Variants in SIPA1L1 observed in about 807,000 individuals in gnomAD.
SIPA1L1 encodes signal-induced proliferation-associated 1-like protein 1.
In SIPA1L1, 26 loss-of-function variants were observed where a neutral mutation model predicts 162.7. The observed-to-expected ratio is 0.16, with a 90% CI of 0.12 to 0.22. The LOEUF (loss-of-function observed/expected upper bound fraction) is 0.22. SIPA1L1 is among the 10% of genes least tolerant of loss of function. SIPA1L1 has a pLI of 1.00. For missense variants in SIPA1L1, 1,874 were observed against 2,241.0 expected (o/e 0.84, Z 3.31); for synonymous variants, 829 against 837.4 (o/e 0.99, Z 0.17).
intron 2 of SIPA1L1, among the ~76,000 whole-genome samples, chr14:71,438,451 A>G (rs916944112): frequency 2.6e-5 from 4 of 152,170 alleles, no homozygotes; most frequent in African/African-American, 9.7e-5. Flanking sequence ...ATCTCCACCC[A>G]CATCAGCAGC....
chr14:71,685,280 G>T, intron 12 of SIPA1L1, 82 bp from the exon 13 acceptor site: 1 of 1,431,466 alleles, frequency 7.0e-7, no homozygotes. Context: ...CCATTTTTAA[G>T]TGTTAATGAG....
intron 4 of SIPA1L1, among the ~76,000 whole-genome samples, chr14:71,532,225 T>C (rs953422009): frequency 1.3e-5 from 2 of 152,206 alleles, no homozygotes; most frequent in Non-Finnish European, 2.9e-5. Context: ...TGCATTTTCT[T>C]TTTTAAAAAA....
At chr14:71,602,286 T>C (rs1160207616) in intron 5 of SIPA1L1, among the ~76,000 whole-genome samples, 2 of 152,216 alleles carry the variant, frequency 1.3e-5, no homozygotes, top group South Asian at 4.1e-4. Flanking sequence ...AAGAAATTTC[T>C]TCATTTTCTT....
At chr14:71,666,682 CT>C (rs2044033569) in intron 10 of SIPA1L1, among the ~76,000 whole-genome samples, 2 of 151,986 alleles carry the variant, frequency 1.3e-5, no homozygotes, top group African/African-American at 4.8e-5. Context: ...AATGTAATAA[CT>C]GTTGAAAGGA....
At chr14:71,465,150 C>G (rs1352527919) in intron 2 of SIPA1L1, among the ~76,000 whole-genome samples, 1 of 152,192 alleles carries the variant, frequency 6.6e-6, no homozygotes, top group Non-Finnish European at 1.5e-5. Context: ...GTCCCCATTC[C>G]AAGTTGCAGG....
intron 19 of SIPA1L1, among the ~76,000 whole-genome samples, chr14:71,727,000 G>A (rs1279620669): frequency 1.3e-5 from 2 of 152,112 alleles, no homozygotes; most frequent in Admixed American, 6.5e-5. Flanking sequence ...GATTTTCCTG[G>A]ATAGCCAGTG....
At chr14:71,446,720 A>G (rs771956468) in intron 2 of SIPA1L1, among the ~76,000 whole-genome samples, 64 of 152,068 alleles carry the variant, frequency 4.2e-4, no homozygotes, top group Non-Finnish European at 8.1e-4. Flanking sequence ...TAGGATAAGA[A>G]TTATTAGGTC....
At chr14:71,490,774 G>C (rs1293763886) in intron 2 of SIPA1L1, among the ~76,000 whole-genome samples, 3 of 152,198 alleles carry the variant, frequency 2.0e-5, no homozygotes. Context: ...CAAAAGCAAA[G>C]TAATTGCTTA....
chr14:71,345,899 T>C lies in SIPA1L1; in HGVS notation c.-465+24718T>C, dbSNP rs371661411. On this transcript the variant is annotated intron_variant, in intron 2 of 23. Coordinates refer to ENST00000381232, the MANE Select transcript of SIPA1L1 (RefSeq NM_001386936.1). ...GCTTACTCTTATATGCATCCCTGAA[T>C]AAATTTGTATAATTTATTATTATTA... 9.2e-5 allele frequency among the ~76,000 whole-genome samples: 14 copies of C among 151,654 alleles called. No individual in the cohort carries two copies. In the East Asian group the frequency reaches 9.8e-4, roughly 11 times the overall value.
At chr14:71,529,243 A>T (rs150358929) in intron 3 of SIPA1L1, 69 bp from the exon 4 acceptor site, 1 of 523,414 alleles carries the variant, frequency 1.9e-6, no homozygotes, top group Non-Finnish European at 3.4e-6. Context: ...TGTGTAAGTT[A>T]TACAGCTATT....
At chr14:71,488,818 G>A (rs907322744) in intron 2 of SIPA1L1, among the ~76,000 whole-genome samples, 3 of 152,150 alleles carry the variant, frequency 2.0e-5, no homozygotes, top group African/African-American at 4.8e-5. Flanking sequence ...TACTCTGCAC[G>A]CCACTGAAAA....
At chr14:71,674,029 C>A (rs1337632287) in intron 12 of SIPA1L1, among the ~76,000 whole-genome samples, 2 of 152,252 alleles carry the variant, frequency 1.3e-5, no homozygotes, top group African/African-American at 4.8e-5. Flanking sequence ...TCTTTCTCTG[C>A]TGTCTCTCCT....
intron 7 of SIPA1L1, among the ~76,000 whole-genome samples, chr14:71,638,408 C>T (rs950150808): frequency 5.3e-5 from 8 of 151,966 alleles, no homozygotes; most frequent in African/African-American, 1.9e-4. Flanking sequence ...TTAATGTAGC[C>T]CATCGTACTA....
chr14:71,715,541 T>A (rs779056983), intron 17 of SIPA1L1, among the ~76,000 whole-genome samples: 1 of 152,238 alleles, frequency 6.6e-6, no homozygotes, highest in African/African-American at 2.4e-5. Flanking sequence ...GTCATACACA[T>A]TAGCATAGCC....
intron 4 of SIPA1L1, among the ~76,000 whole-genome samples, chr14:71,542,398 GCTGCTGCTGCTTCTGCTT>G (rs1239858105): frequency 1.5e-3 from 210 of 138,974 alleles, no homozygotes; most frequent in African/African-American, 5.2e-3. Flanking sequence ...TCTTCCTGCT[GCTGCTGCTGCTTCTGCTT>G]CTTCTTCCTG....
intron 4 of SIPA1L1, among the ~76,000 whole-genome samples, chr14:71,549,678 C>T (rs2055606815): frequency 6.6e-6 from 1 of 152,090 alleles, no homozygotes; most frequent in Non-Finnish European, 1.5e-5. Context: ...TTTATAAATT[C>T]CAATGTACCC....
Position 71,539,363 on chromosome 14 carries a change from T to C in SIPA1L1, c.-303+9993T>C, listed in dbSNP as rs1054844724. 7.9e-5 allele frequency among the ~76,000 whole-genome samples: 12 copies of C among 152,238 alleles called. No individual in the cohort carries two copies. The East Asian group carries it at 2.3e-3, about 29-fold the overall frequency. On this transcript the variant is annotated intron_variant, in intron 4 of 23. Coordinates refer to ENST00000381232, the MANE Select transcript of SIPA1L1 (RefSeq NM_001386936.1). ...ATCTCCATTGGTGAAATGGCTGCTT[T>C]TGACAATACTGTTTCCAGAGAATAG...
At position 71,705,045 on chromosome 14, in the gene SIPA1L1, AG is replaced by A. The variant is rs2082342243; in HGVS notation, c.3647-176del. 1.4e-5 allele frequency: 9 copies of A among 620,888 alleles called. No homozygotes were observed. The South Asian group carries it at 1.8e-4, about 12-fold the overall frequency. 38.5% of individuals were successfully genotyped at this position (620,888 alleles called of 1,614,324 possible). A position where few individuals can be genotyped will look rare whatever the true frequency, so the allele number is the denominator to read the frequency against. On this transcript the variant is annotated intron_variant, in intron 15 of 23. Transcript: ENST00000381232. ...TCACCAGCTGCAAGCTTTATCCATC[AG>A]CCACTTAAGTTTCTGACCTGCTGTC...
At chr14:71,548,730 C>G (rs753017967) in intron 4 of SIPA1L1, among the ~76,000 whole-genome samples, 10 of 151,838 alleles carry the variant, frequency 6.6e-5, no homozygotes, top group Non-Finnish European at 1.5e-4. Context: ...AACCCTGTCT[C>G]TAGTAAAAAT....
Sources: allele counts gnomAD v4.1 joint callset (sites outside exome capture counted in the v4.1 genomes callset), GRCh38; gene constraint gnomAD v4.1.1; transcripts MANE v1.5; gene names NCBI Gene and HGNC (gene_info 2026-07-23, HGNC 2026-07-21).